The following EFCAB8 variants were observed in gnomAD, a reference collection of about 807,000 sequenced individuals.
The protein encoded by EFCAB8 is EF-hand calcium-binding domain-containing protein 8.
Under a neutral mutation model 116.3 loss-of-function variants are expected in EFCAB8, and 100 were observed. That is an observed-to-expected ratio of 0.86 (90% CI 0.73 to 1.02). EFCAB8 has a LOEUF of 1.02. Ranked by LOEUF, EFCAB8 falls within the 50% of genes least tolerant of loss-of-function variation. EFCAB8 has a pLI of 0.00. For synonymous variants in EFCAB8, 558 were observed against 567.9 expected (o/e 0.98, Z 0.25); for missense variants, 1,320 against 1,416.9 (o/e 0.93, Z 1.10).
chr20:32,878,285 C>T lies in EFCAB8; in HGVS notation c.328-419C>T, dbSNP rs763512022. 2.9e-4 allele frequency among the ~76,000 whole-genome samples: 44 copies of T among 151,946 alleles called. 1 individual carries two copies. The highest frequency in any genetic ancestry group is 1.0e-4 in the Non-Finnish European group (7 of 67,930). On this transcript the variant is annotated intron_variant, in intron 4 of 26. Coordinates refer to ENST00000400522, the MANE Select transcript of EFCAB8 (RefSeq NM_001143967.2). ...TGTCCCAAAAGGAAAAAAAAAAGGC[C>T]GGGTGTGGTGGCTCATGGTTATAAT...
In EFCAB8 at chr20:32,922,841, G is replaced by C. The variant is rs374509351; in HGVS notation, c.2412+2626G>C. Among the ~76,000 whole-genome samples the C allele has an allele frequency of 3.3e-5, 5 of 152,132 alleles. No homozygotes were observed. In the South Asian group the frequency reaches 6.2e-4, roughly 19 times the overall value. ...TCTCTCTCTCTCTGTATCTCTCTCT[G>C]ATACTTTCTTCCTCTAATTAGAAAG... is the stretch of plus-strand genomic sequence containing the variant. On this transcript the variant is annotated intron_variant, in intron 20 of 26. Transcript: ENST00000400522.
intron 8 of EFCAB8, 22 bp downstream of exon 8, chr20:32,892,319 C>T (rs1312844254): frequency 1.3e-6 from 2 of 1,549,792 alleles, no homozygotes; most frequent in South Asian, 2.4e-5. Flanking sequence ...CTGGGTGTTC[C>T]TCACATGAAC....
chr20:32,938,450 G>A (rs1026007283), intron 22 of EFCAB8, among the ~76,000 whole-genome samples: 1 of 149,860 alleles, frequency 6.7e-6, no homozygotes, highest in African/African-American at 2.5e-5. Flanking sequence ...TGGGAGGTCA[G>A]TTAGGCAAGA....
At chr20:32,919,486 C>T (rs964592208) in intron 19 of EFCAB8, among the ~76,000 whole-genome samples, 4 of 151,984 alleles carry the variant, frequency 2.6e-5, no homozygotes, top group African/African-American at 9.7e-5. Context: ...ATATTTGCCC[C>T]TCTATCCTTA....
At position 32,878,824 on chromosome 20, in the gene EFCAB8, TG is replaced by T; in HGVS notation, c.431+20del. On this transcript the variant is annotated intron_variant, in intron 5 of 26. Transcript: ENST00000400522. ...CGTCCCCCTGTAAGGAGCCTCTTCC[TG>T]GGCCTTGGTGGGTGGGGTGACTGGA... 1 of 1,546,874 alleles carries T rather than the reference TG, an allele frequency of 6.5e-7. No homozygotes were observed. Among genetic ancestry groups the T allele is most frequent in the Non-Finnish European group, 8.8e-7 (1 of 1,142,450 alleles).
At chr20:32,932,305 A>G (rs983601997) in intron 22 of EFCAB8, among the ~76,000 whole-genome samples, 2 of 151,952 alleles carry the variant, frequency 1.3e-5, no homozygotes, top group Admixed American at 6.6e-5. Flanking sequence ...TGAACCCGGG[A>G]GGTGGAGGTT....
intron 3 of EFCAB8, among the ~76,000 whole-genome samples, chr20:32,874,274 G>A (rs2146183153): frequency 6.6e-6 from 1 of 152,218 alleles, no homozygotes; most frequent in East Asian, 1.9e-4. Context: ...CTAGGCTACA[G>A]TACAGTGGCA....
Position 32,930,670 on chromosome 20 carries a change from C to G in EFCAB8, c.2631+54C>G, listed in dbSNP as rs1987871399. On this transcript the variant is annotated intron_variant, in intron 21 of 26. Transcript: ENST00000400522. Reference sequence around the variant, plus strand: ...GGGCTGGTGCCAGCTAAGTGTTCGGCCATCTCTTTGCTCACATGGCCCTTG... The same window carrying G: ...GGGCTGGTGCCAGCTAAGTGTTCGGGCATCTCTTTGCTCACATGGCCCTTG... The G allele has an allele frequency of 2.0e-6, 3 of 1,509,302 alleles. No homozygotes were observed. In the Admixed American group the frequency reaches 5.9e-5, roughly 30 times the overall value. 93.5% of individuals were successfully genotyped at this position (1,509,302 alleles called of 1,614,324 possible). A position where few individuals can be genotyped will look rare whatever the true frequency, so the allele number is the denominator to read the frequency against.
chr20:32,911,619 TCA>T lies in EFCAB8; in HGVS notation c.1700_1701del (p.Thr567ArgfsTer30). On this transcript the variant is annotated frameshift_variant, in exon 16 of 27. Transcript: ENST00000400522. LOFTEE classifies it high-confidence loss of function. Reference sequence around the variant, plus strand: ...CTGGATGAGTCAGAGCGGTGCCTGCTCACAGGTTTGCGGGATGGCACAATGAA... The same window carrying T: ...CTGGATGAGTCAGAGCGGTGCCTGCTCAGGTTTGCGGGATGGCACAATGAA... 1 of 1,551,710 alleles carries T rather than the reference TCA, an allele frequency of 6.4e-7. No individual in the cohort carries two copies. The highest frequency in any genetic ancestry group is 1.2e-5 in the South Asian group (1 of 84,058).
intron 20 of EFCAB8, among the ~76,000 whole-genome samples, chr20:32,926,317 A>C (rs1987667248): frequency 6.6e-6 from 1 of 152,262 alleles, no homozygotes; most frequent in South Asian, 2.1e-4. Context: ...ACATCCTTTA[A>C]AATGACAGTT....
At chr20:32,920,056 G>A (rs1246925863) in intron 19 of EFCAB8, 22 bp from the exon 20 acceptor site, 1 of 1,551,676 alleles carries the variant, frequency 6.4e-7, no homozygotes, top group African/African-American at 1.4e-5. Context: ...ATGGTGACTT[G>A]GGTGCCCATC....
intron 20 of EFCAB8, among the ~76,000 whole-genome samples, chr20:32,924,101 TG>T (rs1483342548): frequency 6.6e-6 from 1 of 152,224 alleles, no homozygotes; most frequent in East Asian, 1.9e-4. Flanking sequence ...TTGTCCAGGC[TG>T]GAGTGCAGTG....
At chr20:32,938,469 TAAA>T (rs1472844140) in intron 22 of EFCAB8, among the ~76,000 whole-genome samples, 1 of 149,780 alleles carries the variant, frequency 6.7e-6, no homozygotes, top group Non-Finnish European at 1.5e-5. Flanking sequence ...GAAAATGAAA[TAAA>T]AAGTATCTAT....
At chr20:32,922,943 G>A (rs1242120311) in intron 20 of EFCAB8, among the ~76,000 whole-genome samples, 1 of 152,156 alleles carries the variant, frequency 6.6e-6, no homozygotes, top group Non-Finnish European at 1.5e-5. Flanking sequence ...CAGTCCTTTA[G>A]GAGGCCAAAG....
At chr20:32,950,139 G>T (rs1249433835) in intron 23 of EFCAB8, among the ~76,000 whole-genome samples, 1 of 152,214 alleles carries the variant, frequency 6.6e-6, no homozygotes, top group Non-Finnish European at 1.5e-5. Flanking sequence ...AAGATTGTTT[G>T]CATGCAACAC....
chr20:32,919,971 C>T (rs1395752104), intron 19 of EFCAB8, 107 bp from the exon 20 acceptor site: 12 of 1,409,592 alleles, frequency 8.5e-6, no homozygotes, highest in African/African-American at 2.9e-5. Context: ...GTACCTACTG[C>T]GGGGGCTTGG....
At chr20:32,957,636 T>A (rs1000493763) in intron 23 of EFCAB8, among the ~76,000 whole-genome samples, 2 of 152,124 alleles carry the variant, frequency 1.3e-5, no homozygotes, top group Non-Finnish European at 2.9e-5. Flanking sequence ...TCGGCAAATG[T>A]CCTAACAAGA....
chr20:32,876,978 C>G (rs993374781), intron 4 of EFCAB8, among the ~76,000 whole-genome samples: 10 of 151,908 alleles, frequency 6.6e-5, no homozygotes, highest in African/African-American at 2.4e-4. Context: ...AGGAAAAAAA[C>G]AAAACAAAAC....
intron 7 of EFCAB8, among the ~76,000 whole-genome samples, chr20:32,890,505 C>G (rs1403235397): frequency 7.7e-6 from 1 of 129,068 alleles, no homozygotes; most frequent in African/African-American, 2.8e-5. Context: ...AGGTCAGGGA[C>G]TGCATCTGTT....
Sources: allele counts gnomAD v4.1 joint callset (sites outside exome capture counted in the v4.1 genomes callset), GRCh38; gene constraint gnomAD v4.1.1; transcripts MANE v1.5; gene names NCBI Gene and HGNC (gene_info 2026-07-23, HGNC 2026-07-21).